Variants in NOTCH3 observed in about 807,000 individuals in gnomAD.
The protein encoded by NOTCH3 is notch receptor 3.
Under a neutral mutation model 213.3 loss-of-function variants are expected in NOTCH3, and 86 were observed. The observed-to-expected ratio is 0.40, with a 90% confidence interval of 0.34 to 0.48. NOTCH3 has a LOEUF of 0.48. Ranked by LOEUF, NOTCH3 falls within the 20% of genes least tolerant of loss-of-function variation. The probability of loss-of-function intolerance (pLI) is 0.57; values close to 1 mark genes in which losing one functional copy is unlikely to be tolerated. For synonymous variants in NOTCH3, 1,354 were observed against 1,355.9 expected (o/e 1.00, Z 0.03); for missense variants, 2,783 against 3,272.6 (o/e 0.85, Z 3.65).
rs1349205662 is a variant in NOTCH3 at position 15,179,056 on chromosome 19, A to G, written c.3687T>C (p.Gly1229=). The change falls in exon 22 of 33, where the codon GGT becomes GGC. Residue 1229 remains glycine (G), a synonymous_variant. Coordinates refer to ENST00000263388, the MANE Select transcript of NOTCH3 (RefSeq NM_000435.3). ...AGCCAGCATGACAAAGGCAACGGAA[A>G]CCTCCGCCTGGGTCCTGCAGGCAGT... The part of the protein sequence containing the change: ...TRDCLQDPGG[G]FRCLCHAGFS... The G allele has an allele frequency of 5.0e-6, 8 of 1,613,988 alleles. No homozygotes were observed. The highest frequency in any genetic ancestry group is 6.8e-6 in the Non-Finnish European group (8 of 1,180,010).
intron 12 of NOTCH3, among the ~76,000 whole-genome samples, chr19:15,186,379 ATGTGTGTGTGTGTG>A (rs36233245): frequency 0.085 from 11,840 of 138,514 alleles, 1,209 homozygotes; most frequent in African/African-American, 0.27. Context: ...TTGTTTTTGT[ATGTGTGTGTGTGTG>A]TGTGTGTGTG....
intron 25 of NOTCH3, 100 bp from the exon 26 acceptor site, chr19:15,170,925 C>T (rs1324711533): frequency 3.9e-5 from 53 of 1,348,150 alleles, no homozygotes; most frequent in Non-Finnish European, 5.3e-5. Context: ...GGCTCTGAAG[C>T]GCCATCTCCA....
rs2046717702 is a variant in NOTCH3 at position 15,170,041 on chromosome 19, G to A, written c.5199+45C>T. On this transcript the variant is annotated intron_variant, in intron 28 of 32. Coordinates refer to ENST00000263388, the MANE Select transcript of NOTCH3 (RefSeq NM_000435.3). ...TGGGGACCCCACCCAGTACCCTGAG[G>A]GGAGGGGTCAGAGGAGGGGGCAAAG... 4 of 1,136,528 alleles carry A rather than the reference G, an allele frequency of 3.5e-6. No individual in the cohort carries two copies. In the South Asian group the frequency reaches 3.9e-5, roughly 11 times the overall value. The allele number at this position is 1,136,528 out of a possible 1,614,324, so 70.4% of individuals were successfully genotyped here. A position where few individuals can be genotyped will look rare whatever the true frequency, so the allele number is the denominator to read the frequency against.
intron 1 of NOTCH3, among the ~76,000 whole-genome samples, chr19:15,199,665 T>C (rs946242464): frequency 1.3e-5 from 2 of 152,194 alleles, no homozygotes; most frequent in Non-Finnish European, 2.9e-5. Flanking sequence ...TTACGTGACC[T>C]AGAGCTATGT....
At chr19:15,199,261 G>A (rs922466452) in intron 1 of NOTCH3, among the ~76,000 whole-genome samples, 2 of 152,196 alleles carry the variant, frequency 1.3e-5, no homozygotes, top group African/African-American at 2.4e-5. Context: ...GGGTGTGCCC[G>A]TGTGTGTATG....
chr19:15,185,176 C>A lies in NOTCH3; in HGVS notation c.2296+81G>T. On this transcript the variant is annotated intron_variant, in intron 14 of 32. Transcript: ENST00000263388. This position sits in a 1 kb window ranked among gnomAD's most constrained non-coding sequence, Gnocchi z 4.2. ...GAAAGCAAAAAAGAAGCTAACATAG[C>A]GGGAGGAGAGAGTAGAGGAGAAGAG... 1.3e-6 allele frequency: 2 copies of A among 1,544,880 alleles called. No homozygotes were observed. The highest frequency in any genetic ancestry group is 1.1e-5 in the South Asian group (1 of 89,080).
intron 1 of NOTCH3, among the ~76,000 whole-genome samples, chr19:15,197,853 G>A (rs948791012): frequency 6.6e-6 from 1 of 152,156 alleles, no homozygotes; most frequent in Admixed American, 6.6e-5. Flanking sequence ...TGCCAGATGT[G>A]GGGGCTCGGG....
Position 15,192,234 on chromosome 19 carries a change from T to A in NOTCH3, c.405A>T (p.Ser135=). Residue 135 remains serine, a synonymous_variant, in exon 4 of 33, where the codon TCA becomes TCT. Coordinates refer to ENST00000263388, the MANE Select transcript of NOTCH3 (RefSeq NM_000435.3). The part of the protein sequence containing the change: ...SSPCAHGARC[S]VGPDGRFLCS... ...AGAGGAAGCGTCCATCGGGCCCCAC[T>A]GAGCAGCGGGCACCGTGGGCACAAG... The A allele has an allele frequency of 6.2e-7, 1 of 1,606,210 alleles. No individual in the cohort carries two copies. The highest frequency in any genetic ancestry group is 8.5e-7 in the Non-Finnish European group (1 of 1,176,992).
chr19:15,183,403 T>TGTTTGTTG (rs1203276932), intron 16 of NOTCH3, among the ~76,000 whole-genome samples: 1 of 151,948 alleles, frequency 6.6e-6, no homozygotes, highest in Non-Finnish European at 1.5e-5. Context: ...TTTGTTTGTT[T>TGTTTGTTG]GTTTGTTCGT....
At chr19:15,189,516 GTTGTT>G (rs767193539) in intron 6 of NOTCH3, 88 bp from the exon 7 acceptor site, 45 of 1,520,804 alleles carry the variant, frequency 3.0e-5, no homozygotes, top group East Asian at 4.5e-5. Flanking sequence ...TGTCGTTGTT[GTTGTT>G]TTGTTTTGTT....
At chr19:15,186,450 A>G (rs1178147559) in intron 12 of NOTCH3, among the ~76,000 whole-genome samples, 1 of 150,920 alleles carries the variant, frequency 6.6e-6, no homozygotes, top group Non-Finnish European at 1.5e-5. Context: ...TGTCGCCCAG[A>G]CTGGAGTACA....
chr19:15,164,795 GTT>G (rs58826169), intron 31 of NOTCH3, among the ~76,000 whole-genome samples: 33 of 146,254 alleles, frequency 2.3e-4, no homozygotes, highest in Admixed American at 3.4e-4. Context: ...TCTGGAGACT[GTT>G]TTTTTTTTTT....
At chr19:15,161,792 C>G in intron 32 of NOTCH3, 78 bp from the exon 33 acceptor site, 2 of 1,304,902 alleles carry the variant, frequency 1.5e-6, no homozygotes, top group South Asian at 1.3e-5. Context: ...TGGGGGAGCC[C>G]GAGAGCTATG....
Position 15,188,385 on chromosome 19 carries a change from A to G in NOTCH3, c.1379-37T>C, listed in dbSNP as rs1368294143. 6 of 1,369,938 alleles carry G rather than the reference A, an allele frequency of 4.4e-6. No individual in the cohort carries two copies. In the African/African-American group the frequency reaches 8.6e-5, roughly 20 times the overall value. 84.9% of individuals were successfully genotyped at this position (1,369,938 alleles called of 1,614,324 possible). A position where few individuals can be genotyped will look rare whatever the true frequency, so the allele number is the denominator to read the frequency against. On this transcript the variant is annotated intron_variant, in intron 8 of 32. Transcript: ENST00000263388. Reference sequence around the variant, plus strand: ...AATAGGGCTTAGGAAAGCGGGGGCTACCCTATGGTGTGAACGGGGTGCAAG... The same window carrying G: ...AATAGGGCTTAGGAAAGCGGGGGCTGCCCTATGGTGTGAACGGGGTGCAAG...
intron 16 of NOTCH3, among the ~76,000 whole-genome samples, chr19:15,182,842 A>G (rs1442749465): frequency 1.3e-5 from 2 of 152,062 alleles, no homozygotes; most frequent in African/African-American, 4.8e-5. Context: ...GGGCTTCTCC[A>G]TGTTGGTCAG....
rs745672629 is a variant in NOTCH3, at chr19:15,187,212, C to A, written c.1733G>T (p.Arg578Leu). 4.3e-6 allele frequency: 7 copies of A among 1,614,082 alleles called. No homozygotes were observed. The highest frequency in any genetic ancestry group is 5.9e-6 in the Non-Finnish European group (7 of 1,180,026). Residue 578 changes from arginine (R) to leucine (L), a missense_variant, in exon 11 of 33, where the codon CGC (arginine) becomes CTC (leucine). Arg to Leu is a moderately radical substitution (Grantham distance 102, BLOSUM62 -2). This residue lies in a region of NOTCH3 where 708 missense variants were observed against 906.6 expected (regional missense o/e 0.78). Transcript: ENST00000263388. ...CACAPGYTGT[R>L]CESQVDECRS... The stretch of plus-strand genomic sequence containing the variant: ...GCATTCGTCCACCTGGCTCTCGCAG[C>A]GTGTGCCCGTGTAGCCAGGAGCACA...
chr19:15,180,012 GC>G, intron 20 of NOTCH3, 59 bp downstream of exon 20: 1 of 1,199,558 alleles, frequency 8.3e-7, no homozygotes, highest in Non-Finnish European at 1.2e-6. Flanking sequence ...AGAAATGTGT[GC>G]CCAGACGCAC....
chr19:15,165,311 C>T lies in NOTCH3; in HGVS notation c.5815+57G>A. 6.4e-7 allele frequency: 1 copy of T among 1,566,088 alleles called. No individual in the cohort carries two copies. Among genetic ancestry groups the T allele is most frequent in the East Asian group, 2.2e-5 (1 of 44,698 alleles). On this transcript the variant is annotated intron_variant, in intron 31 of 32. Coordinates refer to ENST00000263388, the MANE Select transcript of NOTCH3 (RefSeq NM_000435.3). This position sits in a 1 kb window ranked among gnomAD's most constrained non-coding sequence, Gnocchi z 4.7. The stretch of plus-strand genomic sequence containing the variant: ...TGGGTATGAATTTGCACCAACATGA[C>T]CCTCAGGGCCCAGGTGACACCAACC...
At position 15,181,484 on chromosome 19, in the gene NOTCH3, T is replaced by C. The variant is rs746757178; in HGVS notation, c.2792+92A>G. 5 of 1,045,026 alleles carry C rather than the reference T, an allele frequency of 4.8e-6. No homozygotes were observed. In the Admixed American group the frequency reaches 8.4e-5, roughly 17 times the overall value. 64.7% of individuals were successfully genotyped at this position (1,045,026 alleles called of 1,614,324 possible). A position where few individuals can be genotyped will look rare whatever the true frequency, so the allele number is the denominator to read the frequency against. On this transcript the variant is annotated intron_variant, in intron 17 of 32. Transcript: ENST00000263388. Reference sequence around the variant, plus strand: ...CCGCAGTGGGTACCAAGCTGAGGACTCCCCCAAGTCGTTGCTGTCCCCACT... The same window carrying C: ...CCGCAGTGGGTACCAAGCTGAGGACCCCCCCAAGTCGTTGCTGTCCCCACT...
Sources: allele counts gnomAD v4.1 joint callset (sites outside exome capture counted in the v4.1 genomes callset), GRCh38; gene constraint gnomAD v4.1.1; regional missense constraint gnomAD v4.1.1; non-coding constraint Gnocchi (gnomAD v3.1); transcripts MANE v1.5; gene names NCBI Gene and HGNC (gene_info 2026-07-23, HGNC 2026-07-21).